RICTOR: variants seen among roughly 807,000 people sequenced by gnomAD.
RICTOR encodes rapamycin-insensitive companion of mTOR.
In RICTOR, 49 loss-of-function variants were observed where a neutral mutation model predicts 214.9. That is an observed-to-expected ratio of 0.23 (90% CI 0.18 to 0.29). RICTOR has a LOEUF of 0.29. Among genes scored for constraint, RICTOR ranks in the 10% least tolerant of loss-of-function variants. The pLI, the probability that RICTOR is intolerant of heterozygous loss-of-function variation, is 1.00. For missense variants in RICTOR, 1,625 were observed against 2,047.0 expected, an observed-to-expected ratio of 0.79 and a Z score of 3.98; for synonymous variants, 717 against 711.3, an observed-to-expected ratio of 1.01 and a Z score of -0.13.
In RICTOR at chr5:38,967,833, CAAGAA is replaced by C. The variant is rs1349370420; in HGVS notation, c.1060+105_1060+109del. 4 of 577,970 alleles carry C rather than the reference CAAGAA, an allele frequency of 6.9e-6. No individual in the cohort carries two copies. The African/African-American group carries it at 7.5e-5, about 11-fold the overall frequency. 35.8% of individuals were successfully genotyped at this position (577,970 alleles called of 1,614,324 possible). A position where few individuals can be genotyped will look rare whatever the true frequency, so the allele number is the denominator to read the frequency against. On this transcript the variant is annotated intron_variant, in intron 12 of 37. Coordinates refer to ENST00000357387, the MANE Select transcript of RICTOR (RefSeq NM_152756.5). ...TTAATTTCCTGTCACAATTATGCAG[CAAGAA>C]AAGAAAATAGTGTTCAATAATTTAG... is the stretch of plus-strand genomic sequence containing the variant.
chr5:38,982,094 A>C (rs1429859539), intron 7 of RICTOR, 58 bp from the exon 8 acceptor site: 25 of 1,299,208 alleles, frequency 1.9e-5, no homozygotes, highest in Non-Finnish European at 2.5e-5. Context: ...GTAATAAAAA[A>C]TCTAGGCTTT....
At position 38,955,708 on chromosome 5, in the gene RICTOR, G is replaced by A. The variant is rs895046619; in HGVS notation, c.2500-4C>T. 5 of 1,475,638 alleles carry A rather than the reference G, an allele frequency of 3.4e-6. No homozygotes were observed. Among genetic ancestry groups the A allele is most frequent in the Admixed American group, 1.7e-5 (1 of 59,632 alleles). 91.4% of individuals were successfully genotyped at this position (1,475,638 alleles called of 1,614,324 possible). On this transcript the variant is annotated splice_polypyrimidine_tract_variant and splice_region_variant and intron_variant, in intron 25 of 37. Transcript: ENST00000357387. Reference sequence around the variant, plus strand: ...CAACATATTTGGAGTTGTATTCCTAGAGGATAATATTGTTTTAATTGCACA... The same window carrying A: ...CAACATATTTGGAGTTGTATTCCTAAAGGATAATATTGTTTTAATTGCACA...
At chr5:39,011,141 G>C (rs1754483120) in intron 3 of RICTOR, among the ~76,000 whole-genome samples, 1 of 152,130 alleles carries the variant, frequency 6.6e-6, no homozygotes, top group Admixed American at 6.5e-5. Context: ...TTGCTGCTTT[G>C]TGTAGTCTTT....
At chr5:38,954,749 T>TA (rs919674871) in intron 27 of RICTOR, 25 bp downstream of exon 27, 3 of 1,367,256 alleles carry the variant, frequency 2.2e-6, no homozygotes, top group Non-Finnish European at 3.1e-6. Context: ...TGTAGCTACT[T>TA]AAAATAAGTG....
At position 38,950,175 on chromosome 5, in the gene RICTOR, T is replaced by C. The variant is rs1286611499; in HGVS notation, c.3673A>G (p.Thr1225Ala). Residue 1225 changes from threonine to alanine, a missense_variant, in exon 31 of 38, where the codon ACA becomes GCA. By Grantham distance (58) the Thr-to-Ala change is moderately conservative (BLOSUM62 0). Around this residue, in one of 5 missense-constraint regions of RICTOR, gnomAD observed 1,214 missense variants for 1,470.5 expected, o/e 0.83. Transcript: ENST00000357387. Reference protein sequence around the residue: ...IRSQSFNTDTTTSGISSMSSS... With the variant: ...IRSQSFNTDTATSGISSMSSS... ...CTCATTGAACTTATGCCACTTGTTG[T>C]AGTGTCTGTATTGAAACTTTGGCTA... 6.2e-7 allele frequency: 1 copy of C among 1,613,416 alleles called. No individual in the cohort carries two copies. The highest frequency in any genetic ancestry group is 8.5e-7 in the Non-Finnish European group (1 of 1,179,636).
At chr5:38,942,434 T>C in intron 37 of RICTOR, 56 bp from the exon 38 acceptor site, 3 of 973,208 alleles carry the variant, frequency 3.1e-6, no homozygotes, top group South Asian at 2.0e-5. Context: ...TGATATAACA[T>C]ATTTATATAA....
intron 7 of RICTOR, among the ~76,000 whole-genome samples, chr5:38,990,547 C>A (rs554173313): frequency 2.2e-4 from 26 of 120,770 alleles, no homozygotes; most frequent in South Asian, 1.7e-3. Context: ...GATATATACA[C>A]GATATACACG....
intron 24 of RICTOR, 65 bp downstream of exon 24, chr5:38,958,378 T>C: frequency 1.0e-6 from 1 of 992,360 alleles, no homozygotes; most frequent in Admixed American, 1.7e-5. Context: ...TTTGAATCTA[T>C]CTTTAATATA....
rs1401507594 is a variant in RICTOR at position 38,941,848 on chromosome 5, T to C, written c.*456A>G. 1 of 233,412 alleles carries C rather than the reference T, an allele frequency of 4.3e-6. No homozygotes were observed. Among genetic ancestry groups the C allele is most frequent in the Admixed American group, 5.6e-5 (1 of 17,776 alleles). The allele number at this position is 233,412 out of a possible 1,614,324, so 14.5% of individuals were successfully genotyped here. On this transcript the variant is annotated 3_prime_UTR_variant, in exon 38 of 38. Transcript: ENST00000357387. Reference sequence around the variant, plus strand: ...AGCACACCCCATTGTGGTAATAGGATGCAGCCTTAGAGACACTGATTCCTG... The same window carrying C: ...AGCACACCCCATTGTGGTAATAGGACGCAGCCTTAGAGACACTGATTCCTG...
chr5:38,983,944 G>A (rs185366774), intron 7 of RICTOR, among the ~76,000 whole-genome samples: 334 of 152,202 alleles, frequency 2.2e-3, no homozygotes, highest in African/African-American at 7.8e-3. Context: ...CCAGCCTGGT[G>A]GCAGAGTGAG....
intron 9 of RICTOR, among the ~76,000 whole-genome samples, 194 bp from the exon 10 acceptor site, chr5:38,975,798 C>G (rs1442108363): frequency 6.6e-6 from 1 of 152,224 alleles, no homozygotes; most frequent in Non-Finnish European, 1.5e-5. Context: ...CTTAAACTCA[C>G]AACATCGTTT....
intron 28 of RICTOR, 69 bp downstream of exon 28, chr5:38,953,392 A>C: frequency 1.6e-6 from 1 of 642,564 alleles, no homozygotes; most frequent in Non-Finnish European, 2.7e-6. Flanking sequence ...TTATCTATTT[A>C]GTATAAATGA....
Position 38,996,839 on chromosome 5 carries a change from C to T in RICTOR, c.436G>A (p.Ala146Thr), listed in dbSNP as rs2150093308. The change falls in exon 6 of 38, where the codon GCA becomes ACA. Residue 146 changes from alanine (A) to threonine (T), a missense_variant. By Grantham distance (58) the Ala-to-Thr change is moderately conservative. This residue lies in a region of RICTOR where 258 missense variants were observed against 393.7 expected (regional missense o/e 0.66). Transcript: ENST00000357387. ...CATACCTTTCTGACTAATCGAAGTG[C>T]TTGTGTCCTCTCTACCTCGTTGCTC... ...QQSNEVERTQALRLVRKMITV... is the reference protein window; with the variant it reads ...QQSNEVERTQTLRLVRKMITV... 1 of 1,610,266 alleles carries T rather than the reference C, an allele frequency of 6.2e-7. No individual in the cohort carries two copies. The highest frequency in any genetic ancestry group is 8.5e-7 in the Non-Finnish European group (1 of 1,176,874).
chr5:39,068,690 A>G (rs903188683), intron 2 of RICTOR, among the ~76,000 whole-genome samples: 1 of 152,198 alleles, frequency 6.6e-6, no homozygotes, highest in Non-Finnish European at 1.5e-5. Context: ...ACGATGACAT[A>G]ATGAGGATAT....
At chr5:39,053,036 TC>T (rs1326759547) in intron 2 of RICTOR, among the ~76,000 whole-genome samples, 1 of 152,198 alleles carries the variant, frequency 6.6e-6, no homozygotes, top group Non-Finnish European at 1.5e-5. Flanking sequence ...TGTAAGAGTA[TC>T]CAATTGATTA....
chr5:38,975,377 T>C (rs1751124350), intron 10 of RICTOR, among the ~76,000 whole-genome samples, 160 bp downstream of exon 10: 1 of 152,208 alleles, frequency 6.6e-6, no homozygotes, highest in Non-Finnish European at 1.5e-5. Context: ...TCCTTCACCA[T>C]ATTTTAATAA....
chr5:39,000,024 G>A (rs148947141), intron 5 of RICTOR, among the ~76,000 whole-genome samples: 2 of 151,878 alleles, frequency 1.3e-5, no homozygotes, highest in African/African-American at 4.8e-5. Context: ...GGAATAAAGA[G>A]GGTTATTTTA....
intron 36 of RICTOR, chr5:38,943,177 G>T: frequency 2.4e-6 from 1 of 423,610 alleles, no homozygotes; most frequent in Non-Finnish European, 4.2e-6. Context: ...TAAAAAAAAT[G>T]ATTATCAAAA....
At chr5:39,055,624 T>C (rs1244313626) in intron 2 of RICTOR, among the ~76,000 whole-genome samples, 2 of 152,034 alleles carry the variant, frequency 1.3e-5, no homozygotes, top group African/African-American at 4.8e-5. Flanking sequence ...CAAATATTTG[T>C]CTAGTGTGAC....
Sources: allele counts gnomAD v4.1 joint callset (sites outside exome capture counted in the v4.1 genomes callset), GRCh38; gene constraint gnomAD v4.1.1; regional missense constraint gnomAD v4.1.1; transcripts MANE v1.5; gene names NCBI Gene and HGNC (gene_info 2026-07-23, HGNC 2026-07-21).